The following ZNF700 variants were observed in gnomAD, a reference collection of about 807,000 sequenced individuals.
ZNF700 encodes zinc finger protein 700.
ZNF700 carries 38 observed loss-of-function variants against 65.3 expected under a neutral mutation model. The observed-to-expected ratio is 0.58, with a 90% CI of 0.45 to 0.76. The LOEUF (loss-of-function observed/expected upper bound fraction) is 0.76. Ranked by LOEUF, ZNF700 falls within the 30% of genes least tolerant of loss-of-function variation. The pLI is 0.00. For missense variants in ZNF700, 857 were observed against 888.4 expected (o/e 0.96, Z 0.45); for synonymous variants, 285 against 290.4 (o/e 0.98, Z 0.19).
At chr19:11,936,531 G>T (rs547947502) in intron 1 of ZNF700, among the ~76,000 whole-genome samples, 2 of 152,202 alleles carry the variant, frequency 1.3e-5, no homozygotes, top group Non-Finnish European at 2.9e-5. Flanking sequence ...TTTTTGATGG[G>T]GTTGTTTGTT....
chr19:11,941,460 C>T lies in ZNF700; in HGVS notation c.64-5721C>T, dbSNP rs370221933. ...TGCCCCGTGGGAAGGCAGCTAAGGC[C>T]GGGTGAGAAATCGAGCGCAGCACCG... On this transcript the variant is annotated intron_variant, in intron 1 of 3. Coordinates refer to ENST00000254321, the MANE Select transcript of ZNF700 (RefSeq NM_144566.3). Among the ~76,000 whole-genome samples the T allele has an allele frequency of 1.4e-4, 22 of 152,316 alleles. No homozygotes were observed. The South Asian group carries it at 2.7e-3, about 19-fold the overall frequency.
chr19:11,941,515 C>T (rs1237095395), intron 1 of ZNF700, among the ~76,000 whole-genome samples: 3 of 152,344 alleles, frequency 2.0e-5, no homozygotes, highest in Non-Finnish European at 2.9e-5. Flanking sequence ...GGACCCAGTA[C>T]ACCCTCTGCA....
In ZNF700 at chr19:11,949,316, C is replaced by T. The variant is rs754708404; in HGVS notation, c.1292C>T (p.Ser431Leu). The change falls in exon 4 of 4, where the codon TCA becomes TTA. Residue 431 changes from serine to leucine, a missense_variant. Coordinates refer to ENST00000254321, the MANE Select transcript of ZNF700 (RefSeq NM_144566.3). ...KQCGKAFRSA[S>L]QLRVHGGTHT... is the part of the protein sequence containing the mutation. ...TGTGGGAAAGCCTTCAGATCTGCCT[C>T]ACAGCTTCGAGTGCACGGTGGGACT... is the stretch of plus-strand genomic sequence containing the variant. The T allele has an allele frequency of 1.9e-6, 3 of 1,613,196 alleles. No homozygotes were observed.
rs564746661 is a variant in ZNF700 at position 11,945,600 on chromosome 19, GT to G, written c.64-1578del. The stretch of plus-strand genomic sequence containing the variant: ...AGGCTTAACTTCTGTAGGTACGGGG[GT>G]TTGGTTGACTGCCAGCCCTGGAGGG... On this transcript the variant is annotated intron_variant, in intron 1 of 3. Transcript: ENST00000254321. Among the ~76,000 whole-genome samples the G allele has an allele frequency of 6.2e-3, 945 of 152,260 alleles. 11 individuals carry two copies. Among genetic ancestry groups the G allele is most frequent in the African/African-American group, 0.022 (897 of 41,554 alleles).
chr19:11,949,846 C>A lies in ZNF700; in HGVS notation c.1822C>A (p.Arg608=). 1 of 1,612,974 alleles carries A rather than the reference C, an allele frequency of 6.2e-7. No individual in the cohort carries two copies. ...AGCCTTCAGTTGTGCCTCAAACCTT[C>A]GAAAGCATGGTAGGACTCACACTGG... ...GKAFSCASNL[R]KHGRTHTGEK... is the part of the protein sequence containing the mutation. Residue 608 remains arginine, a synonymous_variant, in exon 4 of 4, where the codon CGA becomes AGA. Coordinates refer to ENST00000254321, the MANE Select transcript of ZNF700 (RefSeq NM_144566.3).
intron 1 of ZNF700, chr19:11,926,735 T>C: frequency 6.5e-6 from 1 of 154,304 alleles, no homozygotes; most frequent in East Asian, 1.9e-4. Flanking sequence ...GGTAAGCTTT[T>C]ATAAGTTACG....
intron 3 of ZNF700, 96 bp downstream of exon 3, chr19:11,947,670 C>G: frequency 8.6e-7 from 1 of 1,158,430 alleles, no homozygotes; most frequent in Non-Finnish European, 1.3e-6. Flanking sequence ...CTAAATCCAG[C>G]ATCAAATTCA....
Position 11,925,150 on chromosome 19 carries a change from G to T in ZNF700, c.-61G>T. 1.3e-6 allele frequency: 2 copies of T among 1,597,594 alleles called. No individual in the cohort carries two copies. The highest frequency in any genetic ancestry group is 2.2e-5 in the South Asian group (2 of 90,788). ...GCGGGCGGCGGTTGGTAACCGGTCA[G>T]ACCAGCCCGAGAGGGACCTGGTGCC... is the stretch of plus-strand genomic sequence containing the variant. On this transcript the variant is annotated 5_prime_UTR_variant, in exon 1 of 4. Transcript: ENST00000254321.
rs934108860 is a variant in ZNF700 at position 11,948,463 on chromosome 19, G to A, written c.439G>A (p.Gly147Ser). ...GNSSFNMSIRGDTGHKAYEYQ... is the reference protein window; with the variant it reads ...GNSSFNMSIRSDTGHKAYEYQ... The stretch of plus-strand genomic sequence containing the variant: ...CTCATCTTTTAATATGAGCATCAGA[G>A]GTGACACTGGACACAAGGCATATGA... Residue 147 changes from glycine to serine, a missense_variant, in exon 4 of 4, where the codon GGT (glycine) becomes AGT (serine). Gly to Ser is a moderately conservative substitution (Grantham distance 56). Around this residue, in one of 3 missense-constraint regions of ZNF700, gnomAD observed 603 missense variants for 619.9 expected, o/e 0.97. Transcript: ENST00000254321. 1.9e-6 allele frequency: 3 copies of A among 1,613,940 alleles called. No individual in the cohort carries two copies. The highest frequency in any genetic ancestry group is 2.5e-6 in the Non-Finnish European group (3 of 1,180,020).
chr19:11,934,044 A>G (rs891636080), intron 1 of ZNF700, among the ~76,000 whole-genome samples: 1 of 147,260 alleles, frequency 6.8e-6, no homozygotes, highest in African/African-American at 2.7e-5. Flanking sequence ...TTATTCACCT[A>G]CTGAAAGGCT....
intron 1 of ZNF700, among the ~76,000 whole-genome samples, chr19:11,936,698 TC>T (rs1453593855): frequency 6.6e-6 from 1 of 152,230 alleles, no homozygotes; most frequent in Non-Finnish European, 1.5e-5. Context: ...TTTAATTAGA[TC>T]CCATTTGTCA....
chr19:11,947,487 G>A (rs1373774350), intron 2 of ZNF700, 27 bp from the exon 3 acceptor site: 1 of 1,610,284 alleles, frequency 6.2e-7, no homozygotes, highest in Admixed American at 1.7e-5. Context: ...ACTGCTTCAG[G>A]ACTATTTTTC....
intron 1 of ZNF700, among the ~76,000 whole-genome samples, chr19:11,927,366 C>T (rs1162461926): frequency 6.6e-6 from 1 of 151,512 alleles, no homozygotes; most frequent in Non-Finnish European, 1.5e-5. Context: ...AAAACCAAAA[C>T]AAACAGGAAA....
rs553118702 is a variant in ZNF700 at position 11,925,949 on chromosome 19, A to G, written c.63+676A>G. Among the ~76,000 whole-genome samples, 61 of 152,302 alleles carry G rather than the reference A, an allele frequency of 4.0e-4. 1 individual carries two copies. The Middle Eastern group carries it at 0.01, about 25-fold the overall frequency. Reference sequence around the variant, plus strand: ...AGGGAAAATGATGAATCAGTGCCTGAAAGGTGTAAGTTCCATTGGCAGAAA... The same window carrying G: ...AGGGAAAATGATGAATCAGTGCCTGGAAGGTGTAAGTTCCATTGGCAGAAA... On this transcript the variant is annotated intron_variant, in intron 1 of 3. Transcript: ENST00000254321.
In ZNF700 at chr19:11,935,886, T is replaced by A. The variant is rs899836516; in HGVS notation, c.63+10613T>A. On this transcript the variant is annotated intron_variant, in intron 1 of 3. Coordinates refer to ENST00000254321, the MANE Select transcript of ZNF700 (RefSeq NM_144566.3). Reference sequence around the variant, plus strand: ...CTCCAGCCCCTGACAGGCCCCGGTGTGTGATGTTCCCTGCCCTGTGTCCGA... The same window carrying A: ...CTCCAGCCCCTGACAGGCCCCGGTGAGTGATGTTCCCTGCCCTGTGTCCGA... Among the ~76,000 whole-genome samples, 3 of 152,156 alleles carry A rather than the reference T, an allele frequency of 2.0e-5. No homozygotes were observed. In the South Asian group the frequency reaches 6.2e-4, roughly 31 times the overall value.
At chr19:11,930,225 A>G (rs1733469006) in intron 1 of ZNF700, among the ~76,000 whole-genome samples, 2 of 148,556 alleles carry the variant, frequency 1.3e-5, no homozygotes, top group South Asian at 2.1e-4. Context: ...CCAATCAGCT[A>G]ATTGGATGTT....
chr19:11,935,788 G>A (rs991844964), intron 1 of ZNF700, among the ~76,000 whole-genome samples: 5 of 152,080 alleles, frequency 3.3e-5, no homozygotes, highest in African/African-American at 7.2e-5. Context: ...AACATGTGCC[G>A]TGTTGGTTTG....
rs1268879710 is a variant in ZNF700 at position 11,948,529 on chromosome 19, C to G, written c.505C>G (p.Pro169Ala). Residue 169 changes from proline (P) to alanine (A), a missense_variant, in exon 4 of 4, where the codon CCT becomes GCT. Physicochemically the swap from Pro to Ala is conservative, Grantham distance 27. Around this residue, in one of 3 missense-constraint regions of ZNF700, gnomAD observed 603 missense variants for 619.9 expected, o/e 0.97. Coordinates refer to ENST00000254321, the MANE Select transcript of ZNF700 (RefSeq NM_144566.3). ...YGPKPYKCQQPKNKKAFRYRP... is the reference protein window; with the variant it reads ...YGPKPYKCQQAKNKKAFRYRP... ...ACCAAAGCCATATAAGTGTCAACAA[C>G]CTAAAAATAAGAAAGCCTTCAGGTA... 6.2e-7 allele frequency: 1 copy of G among 1,610,720 alleles called. No homozygotes were observed. Among genetic ancestry groups the G allele is most frequent in the Non-Finnish European group, 8.5e-7 (1 of 1,179,372 alleles).
At chr19:11,946,860 C>T (rs142076137) in intron 1 of ZNF700, 49 of 266,368 alleles carry the variant, frequency 1.8e-4, no homozygotes, top group East Asian at 1.2e-3. Flanking sequence ...GTCACTCACG[C>T]GTGGTGGTAC....
Sources: gnomAD v4.1 joint callset for allele counts (sites outside exome capture counted in the v4.1 genomes callset) on GRCh38, gnomAD v4.1.1 for gene constraint, gnomAD v4.1.1 regional missense constraint, MANE v1.5 for transcripts, NCBI Gene and HGNC (gene_info 2026-07-23, HGNC 2026-07-21) for gene names.